The following CNTN4 variants were observed in gnomAD, a reference collection of about 807,000 sequenced individuals.
The protein encoded by CNTN4 is contactin-4.
CNTN4 carries 77 observed loss-of-function variants against 122.5 expected under a neutral mutation model. The observed-to-expected ratio is 0.63, with a 90% confidence interval of 0.52 to 0.76. The LOEUF (loss-of-function observed/expected upper bound fraction) is 0.76. Ranked by LOEUF, CNTN4 falls within the 30% of genes least tolerant of loss-of-function variation. CNTN4 has a pLI of 0.00. For missense variants in CNTN4, 1,256 were observed against 1,259.1 expected, an observed-to-expected ratio of 1.00 and a Z score of 0.04; for synonymous variants, 512 against 447.0, an observed-to-expected ratio of 1.15 and a Z score of -1.83.
intron 7 of CNTN4, among the ~76,000 whole-genome samples, chr3:2,858,527 G>A (rs2093639545): frequency 6.6e-6 from 1 of 151,944 alleles, no homozygotes; most frequent in African/African-American, 2.4e-5. Flanking sequence ...GTAGTTCACG[G>A]CAAGCTTGGC....
intron 3 of CNTN4, among the ~76,000 whole-genome samples, chr3:2,445,708 G>A (rs911678647): frequency 2.0e-5 from 3 of 151,922 alleles, no homozygotes; most frequent in African/African-American, 7.3e-5. Context: ...TCATGTCTTA[G>A]TATTTAACTT....
chr3:3,018,238 C>A (rs769123059), intron 14 of CNTN4, among the ~76,000 whole-genome samples: 3 of 152,168 alleles, frequency 2.0e-5, no homozygotes, highest in African/African-American at 4.8e-5. Context: ...GGTTTTCTCC[C>A]TGGTGTGAAA....
At chr3:3,035,499 T>G (rs568818400) in intron 17 of CNTN4, among the ~76,000 whole-genome samples, 1 of 152,272 alleles carries the variant, frequency 6.6e-6, no homozygotes, top group East Asian at 1.9e-4. Context: ...ACAGACTTCA[T>G]AAAGTTTACA....
At chr3:2,677,129 T>TTAGATAGATAGATAGA (rs71621501) in intron 4 of CNTN4, among the ~76,000 whole-genome samples, 354 of 143,200 alleles carry the variant, frequency 2.5e-3, no homozygotes, top group East Asian at 0.01. Context: ...GATCACTCTT[T>TTAGATAGATAGATAGA]TAGATAGATA....
At chr3:2,477,638 A>G (rs1184264569) in intron 3 of CNTN4, among the ~76,000 whole-genome samples, 1 of 152,228 alleles carries the variant, frequency 6.6e-6, no homozygotes, top group Non-Finnish European at 1.5e-5. Flanking sequence ...TTCACAGAAT[A>G]TAGTTCTTGA....
chr3:2,326,485 TACACACACACACAC>T lies in CNTN4; in HGVS notation c.-144-12663_-144-12650del, dbSNP rs10557917. Among the ~76,000 whole-genome samples, 1,140 of 126,090 alleles carry T rather than the reference TACACACACACACAC, an allele frequency of 9.0e-3. 10 individuals are homozygous for T. Among genetic ancestry groups the T allele is most frequent in the East Asian group, 0.051 (170 of 3,326 alleles). The allele number at this position is 126,090 out of a possible 152,430, so 82.7% of individuals were successfully genotyped here. On this transcript the variant is annotated intron_variant, in intron 2 of 24. Coordinates refer to ENST00000418658, the MANE Select transcript of CNTN4 (RefSeq NM_175607.3). Reference sequence around the variant, plus strand: ...GTGAGCCAATTCCTTCTAATAAATTTACACACACACACACACACACACACACACACACACACACA... The same window carrying T: ...GTGAGCCAATTCCTTCTAATAAATTTACACACACACACACACACACACACA...
chr3:2,600,175 A>G (rs945623513), intron 4 of CNTN4, among the ~76,000 whole-genome samples: 3 of 151,592 alleles, frequency 2.0e-5, no homozygotes, highest in Non-Finnish European at 4.4e-5. Context: ...CTGGGGCTCT[A>G]ATTATATGAT....
chr3:2,646,678 T>C (rs908252575), intron 4 of CNTN4, among the ~76,000 whole-genome samples: 2 of 152,190 alleles, frequency 1.3e-5, no homozygotes, highest in Non-Finnish European at 2.9e-5. Flanking sequence ...ACAACAGGAA[T>C]TAATTTTTTC....
chr3:3,043,263 A>G (rs1293100756), intron 22 of CNTN4, 100 bp downstream of exon 22: 1 of 1,149,852 alleles, frequency 8.7e-7, no homozygotes, highest in Non-Finnish European at 1.3e-6. Flanking sequence ...CATACTAATT[A>G]GTAGCATGTG....
intron 4 of CNTN4, among the ~76,000 whole-genome samples, chr3:2,648,630 C>T (rs1233276281): frequency 1.3e-5 from 2 of 152,132 alleles, no homozygotes; most frequent in African/African-American, 2.4e-5. Context: ...TCTCCTGGGG[C>T]CTCCCTTTTC....
chr3:2,134,827 G>GATT (rs766404717), intron 2 of CNTN4, among the ~76,000 whole-genome samples: 18 of 152,096 alleles, frequency 1.2e-4, no homozygotes, highest in Non-Finnish European at 2.5e-4. Context: ...TCAGCTTTTT[G>GATT]TCCTCTTTTG....
chr3:3,007,422 G>A (rs1260232849), intron 14 of CNTN4, among the ~76,000 whole-genome samples: 1 of 152,158 alleles, frequency 6.6e-6, no homozygotes, highest in Non-Finnish European at 1.5e-5. Flanking sequence ...GGATTATTCT[G>A]TGCTTGGAAA....
chr3:2,554,146 G>A (rs934111262), intron 3 of CNTN4, among the ~76,000 whole-genome samples: 6 of 152,260 alleles, frequency 3.9e-5, no homozygotes, highest in African/African-American at 1.2e-4. Context: ...ATACCAGTAT[G>A]TATTCAAGTG....
At chr3:2,647,763 A>G (rs1298783581) in intron 4 of CNTN4, among the ~76,000 whole-genome samples, 8 of 152,214 alleles carry the variant, frequency 5.3e-5, no homozygotes, top group Admixed American at 1.3e-4. Flanking sequence ...GAATTTTGTA[A>G]ATTCTAAATT....
chr3:2,495,242 C>T (rs2076423118), intron 3 of CNTN4, among the ~76,000 whole-genome samples: 1 of 152,154 alleles, frequency 6.6e-6, no homozygotes, highest in Admixed American at 6.5e-5. Flanking sequence ...TTTCAAATTG[C>T]CAAGTAGGAA....
At chr3:2,677,129 TTAGATAGATAGATAGA>T (rs71621501) in intron 4 of CNTN4, among the ~76,000 whole-genome samples, 41 of 143,200 alleles carry the variant, frequency 2.9e-4, no homozygotes, top group African/African-American at 3.6e-4. Context: ...GATCACTCTT[TTAGATAGATAGATAGA>T]TAGATAGATA....
chr3:2,353,579 C>CCGGGAGGAATGAGCAACTCTGGA (rs1342711964), intron 3 of CNTN4, among the ~76,000 whole-genome samples: 39 of 152,254 alleles, frequency 2.6e-4, no homozygotes, highest in Middle Eastern at 6.8e-3. Flanking sequence ...CACGAACCCA[C>CCGGGAGGAATGAGCAACTCTGGA]CGGGAGGAAT....
intron 2 of CNTN4, among the ~76,000 whole-genome samples, chr3:2,125,919 G>A (rs933843576): frequency 3.3e-5 from 5 of 151,274 alleles, no homozygotes; most frequent in South Asian, 2.1e-4. Context: ...GTGTGTGTGT[G>A]TGTGTGTGTA....
intron 2 of CNTN4, among the ~76,000 whole-genome samples, chr3:2,172,222 T>TA (rs553953933): frequency 7.1e-4 from 107 of 150,428 alleles, no homozygotes; most frequent in Admixed American, 3.6e-3. Context: ...TACTCAGCCA[T>TA]AAAAAAAAAC....
Sources: allele counts gnomAD v4.1 joint callset (sites outside exome capture counted in the v4.1 genomes callset), GRCh38; gene constraint gnomAD v4.1.1; transcripts MANE v1.5; gene names NCBI Gene and HGNC (gene_info 2026-07-23, HGNC 2026-07-21).